The following EGFL6 variants were observed in gnomAD, a reference collection of about 807,000 sequenced individuals.
EGFL6 encodes the protein EGF like domain multiple 6, also known as epidermal growth factor-like protein 6.
A neutral mutation model predicts 43.1 loss-of-function variants in EGFL6; 42 were observed. That is an observed-to-expected ratio of 0.98 (90% CI 0.76 to 1.26). The LOEUF is 1.26. EGFL6 is among the 50% of genes most tolerant of loss of function. The pLI is 0.00. For missense variants in EGFL6, 429 were observed against 427.8 expected (o/e 1.00, Z -0.02); for synonymous variants, 164 against 163.2 (o/e 1.01, Z -0.04).
intron 6 of EGFL6, 34 bp from the exon 7 acceptor site, chrX:13,608,290 C>G (rs763418340): frequency 9.0e-5 from 108 of 1,204,795 alleles, no homozygotes; most frequent in Non-Finnish European, 1.2e-4. Context: ...AAGCTCTGTA[C>G]CACAGAGTCG....
At chrX:13,629,764 G>A (rs1438741602) in intron 11 of EGFL6, among the ~76,000 whole-genome samples, 1 of 111,945 alleles carries the variant, frequency 8.9e-6, no homozygotes, top group African/African-American at 3.2e-5. Flanking sequence ...TAGGCTGGGG[G>A]GGAAATTTAA....
intron 9 of EGFL6, among the ~76,000 whole-genome samples, chrX:13,623,531 G>T (rs2045761597): frequency 9.3e-6 from 1 of 106,966 alleles, no homozygotes; most frequent in Non-Finnish European, 1.9e-5. Flanking sequence ...CTGCCACCAT[G>T]CCCAGCTAAT....
chrX:13,623,151 T>C (rs1425804429), intron 9 of EGFL6, among the ~76,000 whole-genome samples: 1 of 109,541 alleles, frequency 9.1e-6, no homozygotes, highest in Non-Finnish European at 1.9e-5. Context: ...TTTGTGCCAC[T>C]ACACTCCAGC....
intron 9 of EGFL6, among the ~76,000 whole-genome samples, chrX:13,619,806 A>G (rs1253996344): frequency 1.8e-5 from 2 of 111,393 alleles, no homozygotes; most frequent in African/African-American, 3.3e-5. Flanking sequence ...GATGTTGCTG[A>G]TCTTGGCTGT....
intron 9 of EGFL6, among the ~76,000 whole-genome samples, chrX:13,623,309 T>A (rs1429584458): frequency 9.2e-6 from 1 of 108,246 alleles, no homozygotes; most frequent in African/African-American, 3.3e-5. Context: ...TGTTTCTCTT[T>A]GTGCATGGGG....
chrX:13,589,347 A>T (rs939235817), intron 1 of EGFL6, among the ~76,000 whole-genome samples: 1 of 112,035 alleles, frequency 8.9e-6, no homozygotes, highest in Non-Finnish European at 1.9e-5. Context: ...GATTCTTTTA[A>T]CCGTGGGGAA....
chrX:13,608,520 AT>A, intron 7 of EGFL6, 74 bp downstream of exon 7: 2 of 1,112,509 alleles, frequency 1.8e-6, no homozygotes, highest in Admixed American at 4.7e-5. Context: ...TCCTCCCTCT[AT>A]TTCTCTCCTT....
intron 3 of EGFL6, among the ~76,000 whole-genome samples, chrX:13,595,781 G>A (rs1419058698): frequency 9.3e-6 from 1 of 107,227 alleles, no homozygotes; most frequent in Non-Finnish European, 1.9e-5. Context: ...GTGCAGTGGC[G>A]TGATCATGGC....
chrX:13,631,009 T>G (rs1001920477), intron 11 of EGFL6, among the ~76,000 whole-genome samples: 5 of 110,987 alleles, frequency 4.5e-5, no homozygotes, highest in African/African-American at 1.7e-4. Context: ...AAGAAAAGAT[T>G]CATAATCATA....
intron 11 of EGFL6, among the ~76,000 whole-genome samples, chrX:13,627,536 A>G (rs766249434): frequency 1.8e-5 from 2 of 112,370 alleles, no homozygotes; most frequent in East Asian, 5.6e-4. Flanking sequence ...GCGTCCTTCC[A>G]AATCAGGCTA....
In EGFL6 at chrX:13,608,345, A is replaced by G; in HGVS notation, c.677A>G (p.Asp226Gly). 8.3e-7 allele frequency: 1 copy of G among 1,211,230 alleles called. No homozygotes were observed. The change falls in exon 7 of 12, where the codon GAT becomes GGT. Residue 226 changes from aspartate to glycine, a missense_variant. Asp to Gly is a moderately conservative substitution (Grantham distance 94). Transcript: ENST00000361306. ...DCIDINECTM[D>G]SHTCSHHANC... ...TTAGATATAAATGAATGTACTATGG[A>G]TAGCCATACGTGCAGCCACCATGCC...
chrX:13,592,224 A>G (rs1457718714), intron 2 of EGFL6, among the ~76,000 whole-genome samples: 1 of 99,242 alleles, frequency 1.0e-5, no homozygotes, highest in Non-Finnish European at 2.1e-5. Context: ...TTAAAAAAAA[A>G]AAAAAAGATT....
intron 1 of EGFL6, among the ~76,000 whole-genome samples, chrX:13,570,562 C>T (rs1252024947): frequency 1.8e-5 from 2 of 111,727 alleles, no homozygotes; most frequent in Admixed American, 9.4e-5. Context: ...GAAGCCGTTC[C>T]CTACTGCCCT....
chrX:13,598,561 T>A (rs1466333215), intron 3 of EGFL6, among the ~76,000 whole-genome samples: 1 of 47,123 alleles, frequency 2.1e-5, no homozygotes, highest in African/African-American at 6.4e-5. Context: ...ATTCTTAAGT[T>A]GTTGTTGTTG....
intron 2 of EGFL6, among the ~76,000 whole-genome samples, chrX:13,589,880 G>A (rs955004290): frequency 8.9e-6 from 1 of 112,792 alleles, no homozygotes; most frequent in Non-Finnish European, 1.9e-5. Flanking sequence ...TTAGAAGACT[G>A]TCTTGTCAAT....
At chrX:13,619,611 A>T (rs949410702) in intron 9 of EGFL6, among the ~76,000 whole-genome samples, 1 of 112,149 alleles carries the variant, frequency 8.9e-6, no homozygotes, top group Non-Finnish European at 1.9e-5. Flanking sequence ...AAGTGCCTGT[A>T]TCAGTTACCT....
chrX:13,607,630 G>C, intron 6 of EGFL6, among the ~76,000 whole-genome samples: 1 of 112,096 alleles, frequency 8.9e-6, no homozygotes. Flanking sequence ...CACAGAACAG[G>C]GTGGAATTCA....
In EGFL6 at chrX:13,623,823, G is replaced by C. The variant is rs2045763530; in HGVS notation, c.1184-1G>C. ...TGAAATATGTTCTTTCTTTTTAGCA[G>C]ATTTAAATATCTCGGTTGACTGCAG... On this transcript the variant is annotated splice_acceptor_variant, in intron 9 of 11. Coordinates refer to ENST00000361306, the MANE Select transcript of EGFL6 (RefSeq NM_015507.4). LOFTEE classifies it high-confidence loss of function. The C allele has an allele frequency of 8.3e-7, 1 of 1,197,683 alleles. No homozygotes were observed. The highest frequency in any genetic ancestry group is 1.8e-5 in the African/African-American group (1 of 56,737).
intron 1 of EGFL6, among the ~76,000 whole-genome samples, chrX:13,571,062 G>A (rs2045439227): frequency 9.1e-6 from 1 of 109,899 alleles, no homozygotes; most frequent in Non-Finnish European, 1.9e-5. Flanking sequence ...CAGCACCTGT[G>A]GCCTCTACTC....
Sources: gnomAD v4.1 joint callset for allele counts (sites outside exome capture counted in the v4.1 genomes callset) on GRCh38, gnomAD v4.1.1 for gene constraint, MANE v1.5 for transcripts, NCBI Gene and HGNC (gene_info 2026-07-23, HGNC 2026-07-21) for gene names.